The following CELSR3 variants were observed in gnomAD, a reference collection of about 807,000 sequenced individuals.
The protein encoded by CELSR3 is EGF-like protein 1.
A neutral mutation model predicts 270.0 loss-of-function variants in CELSR3; 73 were observed. The ratio of observed to expected loss-of-function variants is 0.27; its 90% confidence interval spans 0.22 to 0.33. The LOEUF (loss-of-function observed/expected upper bound fraction) is 0.33, where lower values mean the gene tolerates loss of function less well. CELSR3 is among the 10% of genes least tolerant of loss of function. CELSR3 has a pLI of 1.00. For synonymous variants in CELSR3, 1,780 were observed against 1,905.4 expected, an observed-to-expected ratio of 0.93 and a Z score of 1.71; for missense variants, 3,614 against 4,533.8, an observed-to-expected ratio of 0.80 and a Z score of 5.83.
chr3:48,659,840 G>A lies in CELSR3; in HGVS notation c.2795C>T (p.Thr932Ile). 6.2e-7 allele frequency: 1 copy of A among 1,614,234 alleles called. No homozygotes were observed. Among genetic ancestry groups the A allele is most frequent in the Non-Finnish European group, 8.5e-7 (1 of 1,180,038 alleles). ...CTGTGGGATGCCATTGTCCCGAGCT[G>A]TGATAGCCAGGGTGTAGGTCACCTG... is the stretch of plus-strand genomic sequence containing the variant. ...EDQVTYTLAITARDNGIPQKA... is the reference protein window; with the variant it reads ...EDQVTYTLAIIARDNGIPQKA... Residue 932 changes from threonine (T) to isoleucine (I), a missense_variant, in exon 1 of 35, where the codon ACA becomes ATA. Physicochemically the swap from Thr to Ile is moderately conservative, Grantham distance 89. This residue lies in a region of CELSR3 where 1,331 missense variants were observed against 1,933.7 expected (regional missense o/e 0.69). Transcript: ENST00000164024. This position sits in a 1 kb window ranked among gnomAD's most constrained non-coding sequence, Gnocchi z 8.1.
At position 48,645,326 on chromosome 3, in the gene CELSR3, G is replaced by A; in HGVS notation, c.7797+117C>T. ...CCACAATATCTTACCCCAGCATCCT[G>A]CTGAAAACCCTGGCCCCAACCTGAG... On this transcript the variant is annotated intron_variant, in intron 24 of 34. Transcript: ENST00000164024. The surrounding 1 kb of genome is among the most constrained non-coding windows in gnomAD (Gnocchi z 5.4). The A allele has an allele frequency of 6.5e-7, 1 of 1,549,722 alleles. No homozygotes were observed. The highest frequency in any genetic ancestry group is 8.8e-7 in the Non-Finnish European group (1 of 1,134,270).
rs1351413345 is a variant in CELSR3, at chr3:48,644,170, G to A, written c.8165+46C>T. The A allele has an allele frequency of 3.2e-6, 5 of 1,566,580 alleles. No individual in the cohort carries two copies. In the African/African-American group the frequency reaches 5.4e-5, roughly 17 times the overall value. The stretch of plus-strand genomic sequence containing the variant: ...GGGGCCCCAGACCCCACCCAGGAGG[G>A]ACCTGCCATCCTGAGAAGCCCCCTT... On this transcript the variant is annotated intron_variant, in intron 27 of 34. Transcript: ENST00000164024. The surrounding 1 kb of genome is among the most constrained non-coding windows in gnomAD (Gnocchi z 4.8).
At chr3:48,649,838 C>A (rs149722426) in intron 16 of CELSR3, among the ~76,000 whole-genome samples, 2,429 of 152,268 alleles carry the variant, frequency 0.016, 36 homozygotes, top group Non-Finnish European at 0.022. Context: ...TTCACAGACA[C>A]GTGCACAGGC....
chr3:48,660,701 T>C lies in CELSR3; in HGVS notation c.1934A>G (p.Asn645Ser), dbSNP rs2077059580. 1 of 1,614,084 alleles carries C rather than the reference T, an allele frequency of 6.2e-7. No individual in the cohort carries two copies. The highest frequency in any genetic ancestry group is 8.5e-7 in the Non-Finnish European group (1 of 1,180,054). ...GCTGACAAAAATAGGAATGTGGTCA[T>C]TGATGTCCACCACCTGGATGCTGGC... ...GLASIQVVDI[N>S]DHIPIFVSTP... Residue 645 changes from asparagine (N) to serine (S), a missense_variant, in exon 1 of 35, where the codon AAT becomes AGT. Physicochemically the swap from Asn to Ser is conservative, Grantham distance 46. Coordinates refer to ENST00000164024, the MANE Select transcript of CELSR3 (RefSeq NM_001407.3). This position sits in a 1 kb window ranked among gnomAD's most constrained non-coding sequence, Gnocchi z 5.5.
chr3:48,643,160 T>TG (rs34538673), intron 28 of CELSR3, 77 bp from the exon 29 acceptor site: 1 of 965,616 alleles, frequency 1.0e-6, no homozygotes, highest in Non-Finnish European at 1.7e-6. Context: ...GGGTCAGCAA[T>TG]GGGGTCAGTC....
intron 19 of CELSR3, 103 bp downstream of exon 19, chr3:48,648,163 G>T: frequency 7.0e-7 from 1 of 1,433,426 alleles, no homozygotes; most frequent in Non-Finnish European, 9.5e-7. Context: ...TGAGTCTCCT[G>T]CCATTAACAT....
Position 48,642,594 on chromosome 3 carries a change from C to T in CELSR3, c.8556-127G>A. 1.4e-6 allele frequency: 2 copies of T among 1,431,640 alleles called. No homozygotes were observed. Among genetic ancestry groups the T allele is most frequent in the Non-Finnish European group, 1.9e-6 (2 of 1,060,560 alleles). The allele number at this position is 1,431,640 out of a possible 1,614,324, so 88.7% of individuals were successfully genotyped here. A position where few individuals can be genotyped will look rare whatever the true frequency, so the allele number is the denominator to read the frequency against. On this transcript the variant is annotated intron_variant, in intron 30 of 34. Coordinates refer to ENST00000164024, the MANE Select transcript of CELSR3 (RefSeq NM_001407.3). The surrounding 1 kb of genome is among the most constrained non-coding windows in gnomAD (Gnocchi z 6.1). Reference sequence around the variant, plus strand: ...ATCCCTGGGTGTGTGTGGTGGGAAGCATTTAGGGCAGAGGCAGAAGCAGGG... The same window carrying T: ...ATCCCTGGGTGTGTGTGGTGGGAAGTATTTAGGGCAGAGGCAGAAGCAGGG...
In CELSR3 at chr3:48,644,422, T is replaced by G; in HGVS notation, c.8086-127A>C. ...AGAACCAGTGAGAAATTCACACATA[T>G]ACACACACACCAAAGGAGCTTAGCA... On this transcript the variant is annotated intron_variant, in intron 26 of 34. Transcript: ENST00000164024. The surrounding 1 kb of genome is among the most constrained non-coding windows in gnomAD (Gnocchi z 4.8). 1 of 817,598 alleles carries G rather than the reference T, an allele frequency of 1.2e-6. No individual in the cohort carries two copies. Among genetic ancestry groups the G allele is most frequent in the Non-Finnish European group, 2.0e-6 (1 of 492,410 alleles). 50.6% of individuals were successfully genotyped at this position (817,598 alleles called of 1,614,324 possible).
Position 48,661,355 on chromosome 3 carries a change from T to C in CELSR3, c.1280A>G (p.Asn427Ser). 1.2e-6 allele frequency: 2 copies of C among 1,613,008 alleles called. No homozygotes were observed. Among genetic ancestry groups the C allele is most frequent in the Non-Finnish European group, 1.7e-6 (2 of 1,179,882 alleles). The change falls in exon 1 of 35, where the codon AAC (asparagine) becomes AGC (serine). Residue 427 changes from asparagine (N) to serine (S), a missense_variant. Asn to Ser is a conservative substitution (Grantham distance 46, BLOSUM62 1). Around this residue, in one of 7 missense-constraint regions of CELSR3, gnomAD observed 354 missense variants for 500.9 expected, o/e 0.71. Coordinates refer to ENST00000164024, the MANE Select transcript of CELSR3 (RefSeq NM_001407.3). ...TTGCTCAAAAACCGGCGAGTGGTCG[T>C]TGCGGTCGGCTACTGTCACGGCCAC... ...TMVAVTVADRNDHSPVFEQAQ... is the reference protein window; with the variant it reads ...TMVAVTVADRSDHSPVFEQAQ...
chr3:48,649,873 G>A (rs891607282), intron 16 of CELSR3, among the ~76,000 whole-genome samples: 14 of 152,160 alleles, frequency 9.2e-5, no homozygotes, highest in African/African-American at 2.4e-4. Context: ...GTGAGCATGC[G>A]TACACAAACA....
At position 48,656,372 on chromosome 3, in the gene CELSR3, G is replaced by A. The variant is rs1424624794; in HGVS notation, c.4400-7C>T. 2.1e-6 allele frequency: 3 copies of A among 1,406,630 alleles called. No homozygotes were observed. The highest frequency in any genetic ancestry group is 1.8e-6 in the Non-Finnish European group (2 of 1,093,840). The allele number at this position is 1,406,630 out of a possible 1,614,324, so 87.1% of individuals were successfully genotyped here. A position where few individuals can be genotyped will look rare whatever the true frequency, so the allele number is the denominator to read the frequency against. On this transcript the variant is annotated splice_polypyrimidine_tract_variant and splice_region_variant and intron_variant, in intron 2 of 34. Transcript: ENST00000164024. ...TCCAGCTCGCAGTCCTCTCCTGGGG[G>A]CCAAGCCGCGGTCAGAGGCGGTCAC...
Position 48,652,089 on chromosome 3 carries a change from G to T in CELSR3, c.5752-41C>A, listed in dbSNP as rs1174340721. ...CAGCAAGGGGTGAGACCATGTTAAG[G>T]CACCTCAGCCTCAAGTACTGCAGAG... is the stretch of plus-strand genomic sequence containing the variant. On this transcript the variant is annotated intron_variant, in intron 11 of 34. Transcript: ENST00000164024. The surrounding 1 kb of genome is among the most constrained non-coding windows in gnomAD (Gnocchi z 4.3). 6.7e-6 allele frequency: 10 copies of T among 1,486,332 alleles called. No individual in the cohort carries two copies. The highest frequency in any genetic ancestry group is 7.1e-6 in the Non-Finnish European group (8 of 1,121,382). 92.1% of individuals were successfully genotyped at this position (1,486,332 alleles called of 1,614,324 possible). A position where few individuals can be genotyped will look rare whatever the true frequency, so the allele number is the denominator to read the frequency against.
At position 48,646,392 on chromosome 3, in the gene CELSR3, A is replaced by G. The variant is rs2047084357; in HGVS notation, c.7296-135T>C. 1 of 985,286 alleles carries G rather than the reference A, an allele frequency of 1.0e-6. No individual in the cohort carries two copies. 61.0% of individuals were successfully genotyped at this position (985,286 alleles called of 1,614,324 possible). ...GTCCCCAGAGTGGAAGCTGTTTCTA[A>G]GAATCCCTCCAGCTTCTGCTGGGCT... On this transcript the variant is annotated intron_variant, in intron 21 of 34. Transcript: ENST00000164024. This position sits in a 1 kb window ranked among gnomAD's most constrained non-coding sequence, Gnocchi z 4.8.
Position 48,646,659 on chromosome 3 carries a change from T to G in CELSR3, c.7295+104A>C. On this transcript the variant is annotated intron_variant, in intron 21 of 34. Coordinates refer to ENST00000164024, the MANE Select transcript of CELSR3 (RefSeq NM_001407.3). The surrounding 1 kb of genome is among the most constrained non-coding windows in gnomAD (Gnocchi z 4.8). ...CGGCAAGGATGGGGCTCCCTGGAGCTGTGCTCCTCTCTGTGTGTTGTGAAC... is the reference window on the plus strand; with the variant it reads ...CGGCAAGGATGGGGCTCCCTGGAGCGGTGCTCCTCTCTGTGTGTTGTGAAC... The G allele has an allele frequency of 8.5e-7, 1 of 1,181,692 alleles. No homozygotes were observed. The highest frequency in any genetic ancestry group is 2.4e-5 in the Admixed American group (1 of 41,784). 73.2% of individuals were successfully genotyped at this position (1,181,692 alleles called of 1,614,324 possible).
Position 48,645,586 on chromosome 3 carries a change from C to G in CELSR3, c.7654G>C (p.Ala2552Pro), listed in dbSNP as rs773631624. The change falls in exon 24 of 35, where the codon GCT (alanine) becomes CCT (proline). Residue 2552 changes from alanine (A) to proline (P), a missense_variant. Physicochemically the swap from Ala to Pro is conservative, Grantham distance 27 (BLOSUM62 -1). Transcript: ENST00000164024. This position sits in a 1 kb window ranked among gnomAD's most constrained non-coding sequence, Gnocchi z 5.4. The part of the protein sequence containing the change: ...FTHVVVAVSV[A>P]ALVLTAAILL... ...ATGGCTGCAGTCAGCACCAGCGCAGCCACAGACACAGCCACGACCACGTGG... is the reference window on the plus strand; with the variant it reads ...ATGGCTGCAGTCAGCACCAGCGCAGGCACAGACACAGCCACGACCACGTGG... The G allele has an allele frequency of 6.2e-7, 1 of 1,612,436 alleles. No homozygotes were observed. Among genetic ancestry groups the G allele is most frequent in the African/African-American group, 1.3e-5 (1 of 74,928 alleles).
rs969643816 is a variant in CELSR3, at chr3:48,642,861, C to T, written c.8430G>A (p.Thr2810=). 10 of 1,613,182 alleles carry T rather than the reference C, an allele frequency of 6.2e-6. No individual in the cohort carries two copies. Among genetic ancestry groups the T allele is most frequent in the Non-Finnish European group, 8.5e-6 (10 of 1,179,932 alleles). Residue 2810 remains threonine (T), a synonymous_variant, in exon 30 of 35, where the codon ACG becomes ACA. Coordinates refer to ENST00000164024, the MANE Select transcript of CELSR3 (RefSeq NM_001407.3). This position sits in a 1 kb window ranked among gnomAD's most constrained non-coding sequence, Gnocchi z 6.1. ...TGAGGCCACTCTCCTCAAAGAGAGCCGTGTTGTTGTAGGCCCCAGGTCCCT... is the reference window on the plus strand; with the variant it reads ...TGAGGCCACTCTCCTCAAAGAGAGCTGTGTTGTTGTAGGCCCCAGGTCCCT... ...PGLGPGAYNN[T]ALFEESGLIR... is the part of the protein sequence containing the mutation.
Position 48,651,462 on chromosome 3 carries a change from G to A in CELSR3, c.6083C>T (p.Pro2028Leu). 6.2e-7 allele frequency: 1 copy of A among 1,613,898 alleles called. No homozygotes were observed. The highest frequency in any genetic ancestry group is 8.5e-7 in the Non-Finnish European group (1 of 1,179,948). Residue 2028 changes from proline to leucine, a missense_variant, in exon 14 of 35, where the codon CCA becomes CTA. By Grantham distance (98) the Pro-to-Leu change is moderately conservative (BLOSUM62 -3). Coordinates refer to ENST00000164024, the MANE Select transcript of CELSR3 (RefSeq NM_001407.3). The surrounding 1 kb of genome is among the most constrained non-coding windows in gnomAD (Gnocchi z 7.4). ...HCEHRMDQQC[P>L]RGWWGSPTCG... Reference sequence around the variant, plus strand: ...GGTTGGGCTCCCCCACCAGCCCCGTGGGCACTGCTGGTCCATCCTGGGGGT... The same window carrying A: ...GGTTGGGCTCCCCCACCAGCCCCGTAGGCACTGCTGGTCCATCCTGGGGGT...
At position 48,647,867 on chromosome 3, in the gene CELSR3, T is replaced by C; in HGVS notation, c.7103A>G (p.Gln2368Arg). The change falls in exon 20 of 35, where the codon CAG becomes CGG. Residue 2368 changes from glutamine to arginine, a missense_variant. Around this residue, in one of 7 missense-constraint regions of CELSR3, gnomAD observed 1,240 missense variants for 1,351.7 expected, o/e 0.92. Transcript: ENST00000164024. ...TTCAGATGGGGATGGCCGTGGGGAC[T>C]GGGAAGGCAGCAGCACATGGGTGTG... ...DPHTHVLLPS[Q>R]SPRPSPSEVL... 6.2e-7 allele frequency: 1 copy of C among 1,610,932 alleles called. No individual in the cohort carries two copies. Among genetic ancestry groups the C allele is most frequent in the East Asian group, 2.2e-5 (1 of 44,826 alleles).
Position 48,656,015 on chromosome 3 carries a change from C to CG in CELSR3, c.4625+124dup, listed in dbSNP as rs913595849. On this transcript the variant is annotated intron_variant, in intron 3 of 34. Transcript: ENST00000164024. The stretch of plus-strand genomic sequence containing the variant: ...CGGGTGCAGCGAGGTCAGGAGACCC[C>CG]GGGCGGGGCGTCAGGGGAGGGGCGG... 4.2e-4 allele frequency: 472 copies of CG among 1,125,454 alleles called. 3 individuals are homozygous for CG. In the South Asian group the frequency reaches 4.8e-3, roughly 11 times the overall value. The allele number at this position is 1,125,454 out of a possible 1,614,324, so 69.7% of individuals were successfully genotyped here.
Sources: gnomAD v4.1 joint callset for allele counts (sites outside exome capture counted in the v4.1 genomes callset) on GRCh38, gnomAD v4.1.1 for gene constraint, gnomAD v4.1.1 regional missense constraint, Gnocchi (gnomAD v3.1) non-coding constraint, MANE v1.5 for transcripts, NCBI Gene and HGNC (gene_info 2026-07-23, HGNC 2026-07-21) for gene names.